The following PHLPP1 variants were observed in gnomAD, a reference collection of about 807,000 sequenced individuals.
PHLPP1 encodes PH domain and leucine rich repeat protein phosphatase 1.
Under a neutral mutation model 117.2 loss-of-function variants are expected in PHLPP1, and 42 were observed. The ratio of observed to expected loss-of-function variants is 0.36; its 90% CI spans 0.28 to 0.46. PHLPP1 has a LOEUF of 0.46. Among genes scored for constraint, PHLPP1 ranks in the 20% least tolerant of loss-of-function variants. The pLI, the probability that PHLPP1 is intolerant of heterozygous loss-of-function variation, is 1.00. For synonymous variants in PHLPP1, 1,042 were observed against 970.7 expected, an observed-to-expected ratio of 1.07 and a Z score of -1.37; for missense variants, 2,084 against 2,241.9, an observed-to-expected ratio of 0.93 and a Z score of 1.42.
At position 62,766,080 on chromosome 18, in the gene PHLPP1, TATATATATATATATATATATATAAA is replaced by T. The variant is rs1568109453; in HGVS notation, c.1576+48834_1576+48858del. On this transcript the variant is annotated intron_variant, in intron 1 of 16. Coordinates refer to ENST00000262719, the MANE Select transcript of PHLPP1 (RefSeq NM_194449.4). ...CATCTCAAAAAAAAAAAAAAAAATA[TATATATATATATATATATATATAAA>T]ATATATATATATTTGTACAGAAAAG... Among the ~76,000 whole-genome samples the T allele has an allele frequency of 3.0e-4, 11 of 36,400 alleles. 2 individuals are homozygous for T. Among genetic ancestry groups the T allele is most frequent in the Admixed American group, 8.8e-4 (3 of 3,412 alleles). The allele number at this position is 36,400 out of a possible 152,430, so 23.9% of individuals were successfully genotyped here. A position where few individuals can be genotyped will look rare whatever the true frequency, so the allele number is the denominator to read the frequency against.
chr18:62,937,973 A>G (rs1016138500), intron 10 of PHLPP1, among the ~76,000 whole-genome samples: 6 of 152,170 alleles, frequency 3.9e-5, no homozygotes, highest in African/African-American at 1.4e-4. Flanking sequence ...ATGCCACTGC[A>G]TTCCAGCCTG....
chr18:62,860,427 C>G lies in PHLPP1; in HGVS notation c.1900-8C>G. ...ATGGTATTAAAATTAAGTTTTATCC[C>G]CCTTTAGGTTGCATCCCAGCGCATT... On this transcript the variant is annotated splice_polypyrimidine_tract_variant and splice_region_variant and intron_variant, in intron 3 of 16. Coordinates refer to ENST00000262719, the MANE Select transcript of PHLPP1 (RefSeq NM_194449.4). The G allele has an allele frequency of 6.2e-7, 1 of 1,612,362 alleles. No homozygotes were observed.
At chr18:62,824,027 G>T (rs937513704) in intron 1 of PHLPP1, among the ~76,000 whole-genome samples, 1 of 151,980 alleles carries the variant, frequency 6.6e-6, no homozygotes, top group African/African-American at 2.4e-5. Context: ...AACTACTTGG[G>T]AGGCTGAGGC....
In PHLPP1 at chr18:62,804,734, C is replaced by T. The variant is rs1161126089; in HGVS notation, c.1577-25301C>T. 5.3e-5 allele frequency among the ~76,000 whole-genome samples: 8 copies of T among 150,276 alleles called. No individual in the cohort carries two copies. The South Asian group carries it at 6.3e-4, about 12-fold the overall frequency. On this transcript the variant is annotated intron_variant, in intron 1 of 16. Transcript: ENST00000262719. The stretch of plus-strand genomic sequence containing the variant: ...CCTCTTTTTTTTAAGAACACGGTCT[C>T]GCTCTGTGGCCCAGGCTGGTATAAT...
intron 1 of PHLPP1, among the ~76,000 whole-genome samples, chr18:62,825,082 C>G (rs1490089203): frequency 1.3e-5 from 2 of 151,906 alleles, no homozygotes; most frequent in Non-Finnish European, 2.9e-5. Flanking sequence ...CCTCAGTCTC[C>G]CGAGTAGCTA....
chr18:62,733,436 G>A (rs534250572), intron 1 of PHLPP1, among the ~76,000 whole-genome samples: 13 of 152,108 alleles, frequency 8.5e-5, no homozygotes, highest in East Asian at 1.9e-4. Context: ...TTTTATATGC[G>A]CTAGGAAACC....
chr18:62,975,774 G>A (rs1911170728), intron 16 of PHLPP1, 149 bp downstream of exon 16: 1 of 623,738 alleles, frequency 1.6e-6, no homozygotes, highest in Non-Finnish European at 2.9e-6. Context: ...GTATCACAAA[G>A]CAGATGTCTT....
At chr18:62,977,840 C>A (rs1300062325) in intron 16 of PHLPP1, among the ~76,000 whole-genome samples, 1 of 152,208 alleles carries the variant, frequency 6.6e-6, no homozygotes, top group African/African-American at 2.4e-5. Flanking sequence ...TCTTCCTACA[C>A]CCAGCCCGTC....
At chr18:62,943,755 A>T (rs1482129176) in intron 11 of PHLPP1, among the ~76,000 whole-genome samples, 2 of 152,204 alleles carry the variant, frequency 1.3e-5, no homozygotes, top group East Asian at 3.9e-4. Flanking sequence ...TGACACTGGG[A>T]ATCACGTTTC....
At chr18:62,771,744 C>T (rs1379164656) in intron 1 of PHLPP1, among the ~76,000 whole-genome samples, 1 of 152,164 alleles carries the variant, frequency 6.6e-6, no homozygotes, top group Non-Finnish European at 1.5e-5. Flanking sequence ...TGGTTTTGAT[C>T]TTAGACATCT....
chr18:62,812,402 C>A (rs915476386), intron 1 of PHLPP1, among the ~76,000 whole-genome samples: 36 of 152,310 alleles, frequency 2.4e-4, no homozygotes, highest in African/African-American at 8.7e-4. Flanking sequence ...TTTCCACACA[C>A]ACAGCAGTGT....
chr18:62,893,076 C>G (rs1916467372), intron 4 of PHLPP1, among the ~76,000 whole-genome samples: 1 of 150,268 alleles, frequency 6.7e-6, no homozygotes, highest in Non-Finnish European at 1.5e-5. Flanking sequence ...GAGTCTCGCT[C>G]TATCGCCCAG....
chr18:62,978,668 T>C lies in PHLPP1; in HGVS notation c.4391T>C (p.Leu1464Pro), dbSNP rs939187901. The C allele has an allele frequency of 1.9e-6, 3 of 1,613,890 alleles. No individual in the cohort carries two copies. The highest frequency in any genetic ancestry group is 1.1e-5 in the South Asian group (1 of 91,076). ...MVIKDRPSDG[L>P]GVPSSSSGMA... ...ATCAAGGATCGGCCCTCAGATGGGC[T>C]GGGCGTGCCGTCCTCCAGCAGCGGC... The change falls in exon 17 of 17, where the codon CTG becomes CCG. Residue 1464 changes from leucine to proline, a missense_variant. Physicochemically the swap from Leu to Pro is moderately conservative, Grantham distance 98. Coordinates refer to ENST00000262719, the MANE Select transcript of PHLPP1 (RefSeq NM_194449.4). This position sits in a 1 kb window ranked among gnomAD's most constrained non-coding sequence, Gnocchi z 7.0.
chr18:62,836,194 G>A (rs1914890927), intron 2 of PHLPP1, among the ~76,000 whole-genome samples: 1 of 151,750 alleles, frequency 6.6e-6, no homozygotes, highest in African/African-American at 2.4e-5. Flanking sequence ...CCCAGCACTT[G>A]AGAGGCTGAG....
At chr18:62,786,921 A>G (rs1489785414) in intron 1 of PHLPP1, among the ~76,000 whole-genome samples, 1 of 152,242 alleles carries the variant, frequency 6.6e-6, no homozygotes, top group Non-Finnish European at 1.5e-5. Context: ...AAAGCTGGCT[A>G]AAGGAGAATA....
chr18:62,773,242 A>G (rs1912850087), intron 1 of PHLPP1, among the ~76,000 whole-genome samples: 1 of 152,132 alleles, frequency 6.6e-6, no homozygotes, highest in African/African-American at 2.4e-5. Context: ...AACATGTTTC[A>G]CAGGTTTTAG....
intron 1 of PHLPP1, among the ~76,000 whole-genome samples, chr18:62,805,360 C>T (rs1599056740): frequency 6.6e-6 from 1 of 151,194 alleles, no homozygotes; most frequent in Non-Finnish European, 1.5e-5. Context: ...GTATAATATA[C>T]ACTGCATAGG....
chr18:62,794,340 A>G (rs922645663), intron 1 of PHLPP1, among the ~76,000 whole-genome samples: 1 of 151,494 alleles, frequency 6.6e-6, no homozygotes, highest in African/African-American at 2.4e-5. Context: ...TCATTCCACA[A>G]GTGTATTTTT....
At chr18:62,974,489 C>CT (rs1911134515) in intron 15 of PHLPP1, among the ~76,000 whole-genome samples, 1 of 152,098 alleles carries the variant, frequency 6.6e-6, no homozygotes, top group Non-Finnish European at 1.5e-5. Context: ...AAACGGGAGG[C>CT]TGTTTTTCTT....
Sources: gnomAD v4.1 joint callset for allele counts (sites outside exome capture counted in the v4.1 genomes callset) on GRCh38, gnomAD v4.1.1 for gene constraint, Gnocchi (gnomAD v3.1) non-coding constraint, MANE v1.5 for transcripts, NCBI Gene and HGNC (gene_info 2026-07-23, HGNC 2026-07-21) for gene names.